The following OPRD1 variants were observed in gnomAD, a reference collection of about 807,000 sequenced individuals.
OPRD1 encodes the protein opioid receptor delta 1, also known as delta-type opioid receptor.
OPRD1 carries 19 observed loss-of-function variants against 17.5 expected under a neutral mutation model. The observed-to-expected ratio is 1.09, with a 90% CI of 0.76 to 1.60. The LOEUF (loss-of-function observed/expected upper bound fraction) is 1.60. Among genes scored for constraint, OPRD1 ranks in the 40% most tolerant of loss-of-function variants. OPRD1 has a pLI of 0.00. For synonymous variants in OPRD1, 256 were observed against 240.9 expected, an observed-to-expected ratio of 1.06 and a Z score of -0.58; for missense variants, 483 against 547.2, an observed-to-expected ratio of 0.88 and a Z score of 1.17.
intron 1 of OPRD1, among the ~76,000 whole-genome samples, chr1:28,835,269 T>C (rs192759304): frequency 1.2e-4 from 18 of 152,276 alleles, no homozygotes; most frequent in Admixed American, 5.2e-4. Flanking sequence ...GGAGCTGCTC[T>C]TCCCTGGCTG....
chr1:28,855,258 G>A (rs967705869), intron 1 of OPRD1, among the ~76,000 whole-genome samples: 1 of 152,074 alleles, frequency 6.6e-6, no homozygotes. Flanking sequence ...AATATGGGGG[G>A]ACCGGGGTTC....
chr1:28,859,775 C>A (rs562745475), intron 2 of OPRD1, among the ~76,000 whole-genome samples: 57 of 152,302 alleles, frequency 3.7e-4, no homozygotes, highest in African/African-American at 1.4e-3. Context: ...ATTTGAAAAC[C>A]ACTGGCCTGG....
At chr1:28,844,164 G>GTTTTTTTT (rs60241573) in intron 1 of OPRD1, among the ~76,000 whole-genome samples, 2 of 137,928 alleles carry the variant, frequency 1.5e-5, no homozygotes, top group African/African-American at 2.7e-5. Context: ...CTTGATTTCT[G>GTTTTTTTT]TTTTTTTTTT....
intron 1 of OPRD1, among the ~76,000 whole-genome samples, chr1:28,828,687 T>TAAAAAAAAAAA (rs71027300): frequency 9.8e-6 from 1 of 102,306 alleles, no homozygotes; most frequent in African/African-American, 3.7e-5. Flanking sequence ...CTCGATCTCT[T>TAAAAAAAAAAA]AAAAAAAAAA....
intron 1 of OPRD1, among the ~76,000 whole-genome samples, chr1:28,858,263 A>G (rs565591987): frequency 4.7e-5 from 7 of 148,092 alleles, no homozygotes; most frequent in East Asian, 2.0e-4. Flanking sequence ...ACAGGCGCCC[A>G]CCATCACGCC....
At chr1:28,817,077 A>G (rs2124256705) in intron 1 of OPRD1, among the ~76,000 whole-genome samples, 1 of 152,228 alleles carries the variant, frequency 6.6e-6, no homozygotes, top group African/African-American at 2.4e-5. Flanking sequence ...GCCTCCTGCC[A>G]GCCCCGGCCA....
intron 2 of OPRD1, among the ~76,000 whole-genome samples, 167 bp downstream of exon 2, chr1:28,859,470 TAGA>T (rs1263178240): frequency 1.3e-5 from 2 of 151,908 alleles, no homozygotes; most frequent in Non-Finnish European, 2.9e-5. Flanking sequence ...AGTGGGAGTG[TAGA>T]AGAAGGTCAA....
intron 1 of OPRD1, among the ~76,000 whole-genome samples, chr1:28,846,888 T>TTC (rs2088956127): frequency 1.7e-5 from 1 of 57,270 alleles, no homozygotes; most frequent in African/African-American, 3.8e-5. Flanking sequence ...CTTTCTTTCT[T>TTC]TCTTTTCTCT....
chr1:28,835,588 G>A (rs1265055029), intron 1 of OPRD1, among the ~76,000 whole-genome samples: 1 of 152,170 alleles, frequency 6.6e-6, no homozygotes, highest in East Asian at 1.9e-4. Flanking sequence ...AGTCGTGGAG[G>A]GCAACCACCC....
intron 1 of OPRD1, among the ~76,000 whole-genome samples, chr1:28,846,788 A>G (rs2088948593): frequency 1.3e-5 from 2 of 151,364 alleles, no homozygotes; most frequent in South Asian, 4.2e-4. Context: ...CATTGTATTT[A>G]TTCAGAGTTG....
intron 1 of OPRD1, among the ~76,000 whole-genome samples, chr1:28,834,031 C>A (rs1161443756): frequency 6.6e-6 from 1 of 152,136 alleles, no homozygotes; most frequent in Non-Finnish European, 1.5e-5. Flanking sequence ...TCTGCCTCAG[C>A]CTCCAGAGTA....
chr1:28,845,348 G>A (rs2088930459), intron 1 of OPRD1, among the ~76,000 whole-genome samples: 1 of 151,924 alleles, frequency 6.6e-6, no homozygotes, highest in Non-Finnish European at 1.5e-5. Context: ...AATTAGCCGG[G>A]CATGCTGGTG....
At chr1:28,850,217 G>C (rs2088988667) in intron 1 of OPRD1, among the ~76,000 whole-genome samples, 1 of 152,080 alleles carries the variant, frequency 6.6e-6, no homozygotes. Flanking sequence ...GGCCAGGCAT[G>C]ATCTCTTGTG....
chr1:28,846,833 C>CT (rs1317377977), intron 1 of OPRD1, among the ~76,000 whole-genome samples: 1 of 75,992 alleles, frequency 1.3e-5, no homozygotes, highest in Non-Finnish European at 2.6e-5. Flanking sequence ...TTCTTTCTTT[C>CT]TTTCTTTCTT....
intron 1 of OPRD1, among the ~76,000 whole-genome samples, chr1:28,837,763 A>T (rs1046538153): frequency 6.7e-6 from 1 of 150,334 alleles, no homozygotes; most frequent in Non-Finnish European, 1.5e-5. Context: ...GACTCAAGTG[A>T]TCCTCCTACC....
In OPRD1 at chr1:28,863,489, G is replaced by A; in HGVS notation, c.*206G>A. ...CTGGTTTGGGGCGAGGCAGAGGACA[G>A]ATCAATGGCGCAGTGCCTCTGGTCT... On this transcript the variant is annotated 3_prime_UTR_variant, in exon 3 of 3. Transcript: ENST00000234961. 1.8e-6 allele frequency: 1 copy of A among 541,374 alleles called. No individual in the cohort carries two copies. The highest frequency in any genetic ancestry group is 3.4e-5 in the East Asian group (1 of 29,096). 33.5% of individuals were successfully genotyped at this position (541,374 alleles called of 1,614,324 possible). A position where few individuals can be genotyped will look rare whatever the true frequency, so the allele number is the denominator to read the frequency against.
chr1:28,824,320 T>C (rs1441352244), intron 1 of OPRD1, among the ~76,000 whole-genome samples: 10 of 135,032 alleles, frequency 7.4e-5, no homozygotes, highest in South Asian at 2.2e-4. Context: ...TTTCTTTTTT[T>C]TTTTTTTTTT....
At position 28,859,046 on chromosome 1, in the gene OPRD1, C is replaced by T. The variant is rs752362079; in HGVS notation, c.320C>T (p.Ala107Val). ...LATSTLPFQS[A>V]KYLMETWPFG... ...ACCAGCACGCTGCCTTTCCAGAGTG[C>T]CAAGTACCTGATGGAGACGTGGCCC... Residue 107 changes from alanine (A) to valine (V), a missense_variant, in exon 2 of 3, where the codon GCC (alanine) becomes GTC (valine). Transcript: ENST00000234961. The T allele has an allele frequency of 1.9e-6, 3 of 1,614,218 alleles. No homozygotes were observed. The South Asian group carries it at 3.3e-5, about 18-fold the overall frequency.
chr1:28,850,385 A>G (rs797399), intron 1 of OPRD1, among the ~76,000 whole-genome samples: 97,515 of 151,734 alleles, frequency 0.64, 33,820 homozygotes, highest in East Asian at 0.92. Context: ...GTGTAGTGGC[A>G]CAATCTCAGC....
Sources: gnomAD v4.1 joint callset for allele counts (sites outside exome capture counted in the v4.1 genomes callset) on GRCh38, gnomAD v4.1.1 for gene constraint, MANE v1.5 for transcripts, NCBI Gene and HGNC (gene_info 2026-07-23, HGNC 2026-07-21) for gene names.